Variants in GRID2 observed in about 807,000 individuals in gnomAD.
GRID2 encodes glutamate ionotropic receptor delta type subunit 2.
In GRID2, 33 loss-of-function variants were observed where a neutral mutation model predicts 114.8. The observed-to-expected ratio is 0.29, with a 90% CI of 0.22 to 0.38. The LOEUF (loss-of-function observed/expected upper bound fraction) is 0.38. GRID2 is among the 10% of genes least tolerant of loss of function. The pLI, the probability that GRID2 is intolerant of heterozygous loss-of-function variation, is 1.00. For missense variants in GRID2, 1,184 were observed against 1,257.7 expected, an observed-to-expected ratio of 0.94 and a Z score of 0.89; for synonymous variants, 505 against 449.9, an observed-to-expected ratio of 1.12 and a Z score of -1.55.
chr4:93,675,776 T>G, intron 14 of GRID2, among the ~76,000 whole-genome samples: 1 of 152,250 alleles, frequency 6.6e-6, no homozygotes, highest in East Asian at 1.9e-4. Context: ...ACTAAGCTTC[T>G]GTTTTATTTT....
chr4:93,095,881 C>G (rs1731181264), intron 3 of GRID2, among the ~76,000 whole-genome samples: 1 of 151,812 alleles, frequency 6.6e-6, no homozygotes, highest in African/African-American at 2.4e-5. Context: ...TTTTTAGAGC[C>G]TTTTGAAGAA....
chr4:92,886,878 G>A (rs935139170), intron 2 of GRID2, among the ~76,000 whole-genome samples: 1 of 152,078 alleles, frequency 6.6e-6, no homozygotes, highest in Admixed American at 6.6e-5. Flanking sequence ...ACCCGCCTCG[G>A]CCTCCCAAAG....
At chr4:93,633,130 C>G (rs534627700) in intron 14 of GRID2, among the ~76,000 whole-genome samples, 27 of 147,572 alleles carry the variant, frequency 1.8e-4, no homozygotes, top group African/African-American at 5.8e-4. Flanking sequence ...TGGTACTTCA[C>G]AATACTCTCA....
intron 14 of GRID2, among the ~76,000 whole-genome samples, chr4:93,766,560 G>A (rs554306874): frequency 6.6e-6 from 1 of 152,260 alleles, no homozygotes; most frequent in East Asian, 1.9e-4. Context: ...TGACCAATAT[G>A]GTGTGATGCA....
At chr4:93,316,339 A>AAG (rs1756645484) in intron 8 of GRID2, among the ~76,000 whole-genome samples, 12 of 54,952 alleles carry the variant, frequency 2.2e-4, no homozygotes, top group East Asian at 1.1e-3. Context: ...AAAGAAAGAA[A>AAG]GAAGGAAGGA....
At chr4:93,136,659 G>C (rs895312870) in intron 4 of GRID2, among the ~76,000 whole-genome samples, 2 of 152,062 alleles carry the variant, frequency 1.3e-5, no homozygotes, top group African/African-American at 4.8e-5. Context: ...ATATATGTAG[G>C]AGAAAATGAA....
At chr4:93,638,052 G>A (rs1721573427) in intron 14 of GRID2, among the ~76,000 whole-genome samples, 1 of 151,964 alleles carries the variant, frequency 6.6e-6, no homozygotes, top group South Asian at 2.1e-4. Flanking sequence ...ATATAGCCCA[G>A]GTAAGTCTAA....
chr4:92,741,498 C>T (rs942704682), intron 2 of GRID2, among the ~76,000 whole-genome samples: 1 of 152,148 alleles, frequency 6.6e-6, no homozygotes, highest in African/African-American at 2.4e-5. Flanking sequence ...GCCATCCAAA[C>T]TAAACCCATG....
At chr4:92,429,098 G>T (rs996510258) in intron 1 of GRID2, among the ~76,000 whole-genome samples, 2 of 152,078 alleles carry the variant, frequency 1.3e-5, no homozygotes, top group African/African-American at 4.8e-5. Flanking sequence ...ACTTATGAAT[G>T]AGAACATGCT....
chr4:93,540,251 A>G (rs537859415), intron 13 of GRID2, among the ~76,000 whole-genome samples: 1 of 152,004 alleles, frequency 6.6e-6, no homozygotes, highest in Non-Finnish European at 1.5e-5. Context: ...TTTTAACTCT[A>G]AATATATATA....
intron 4 of GRID2, among the ~76,000 whole-genome samples, chr4:93,190,895 A>G (rs1740916714): frequency 6.6e-6 from 1 of 152,014 alleles, no homozygotes; most frequent in East Asian, 1.9e-4. Context: ...AATTTTCAAT[A>G]TAATATAAAT....
At position 92,505,899 on chromosome 4, in the gene GRID2, C is replaced by T. The variant is rs114944933; in HGVS notation, c.89-84232C>T. On this transcript the variant is annotated intron_variant, in intron 1 of 15. Transcript: ENST00000282020. ...ATTCTACCACCATTTCCTGAAATCT[C>T]TTTTTATATTTGAGATCAAGAATTA... Among the ~76,000 whole-genome samples, 1,392 of 151,966 alleles carry T rather than the reference C, an allele frequency of 9.2e-3. 8 individuals are homozygous for T. The highest frequency in any genetic ancestry group is 0.014 in the Non-Finnish European group (926 of 67,910).
At chr4:93,671,752 T>G (rs1188976656) in intron 14 of GRID2, among the ~76,000 whole-genome samples, 1 of 152,082 alleles carries the variant, frequency 6.6e-6, no homozygotes, top group Non-Finnish European at 1.5e-5. Context: ...GTGGATCATT[T>G]GAGGTCAGGA....
chr4:92,556,089 C>T (rs1726836624), intron 1 of GRID2, among the ~76,000 whole-genome samples: 1 of 152,162 alleles, frequency 6.6e-6, no homozygotes, highest in Non-Finnish European at 1.5e-5. Context: ...CTGGGGAAAG[C>T]TCAGTTGTGG....
At chr4:93,359,022 C>T (rs1304506099) in intron 8 of GRID2, among the ~76,000 whole-genome samples, 2 of 151,998 alleles carry the variant, frequency 1.3e-5, no homozygotes, top group Non-Finnish European at 2.9e-5. Context: ...ATGGGATGTT[C>T]TGCTGAACTG....
At chr4:92,634,417 C>T (rs746873756) in intron 2 of GRID2, among the ~76,000 whole-genome samples, 13 of 152,126 alleles carry the variant, frequency 8.5e-5, no homozygotes, top group Non-Finnish European at 1.8e-4. Context: ...ATTTGCTTAA[C>T]ACTCAAGGTT....
intron 1 of GRID2, among the ~76,000 whole-genome samples, chr4:92,481,918 A>G (rs1722613417): frequency 7.4e-6 from 1 of 134,512 alleles, no homozygotes; most frequent in Admixed American, 7.9e-5. Context: ...TGCACTATTC[A>G]TTATTGCAAA....
chr4:92,510,055 T>C (rs1579491242), intron 1 of GRID2, among the ~76,000 whole-genome samples: 1 of 151,802 alleles, frequency 6.6e-6, no homozygotes, highest in African/African-American at 2.4e-5. Context: ...AGAGACTGTA[T>C]TGGGTTGGAA....
intron 1 of GRID2, among the ~76,000 whole-genome samples, chr4:92,349,376 C>T (rs989690943): frequency 6.6e-6 from 1 of 151,516 alleles, no homozygotes; most frequent in African/African-American, 2.4e-5. Context: ...GTTAATAATG[C>T]CAATTATTAT....
Sources: gnomAD v4.1 joint callset for allele counts (sites outside exome capture counted in the v4.1 genomes callset) on GRCh38, gnomAD v4.1.1 for gene constraint, MANE v1.5 for transcripts, NCBI Gene and HGNC (gene_info 2026-07-23, HGNC 2026-07-21) for gene names.